SULF1: variants seen among roughly 807,000 people sequenced by gnomAD.
The protein encoded by SULF1 is sulfatase 1.
In SULF1, 46 loss-of-function variants were observed where a neutral mutation model predicts 110.5. That is an observed-to-expected ratio of 0.42 (90% CI 0.33 to 0.53). The LOEUF is 0.53. SULF1 is among the 20% of genes least tolerant of loss of function. SULF1 has a pLI of 0.12. For synonymous variants in SULF1, 371 were observed against 387.1 expected, an observed-to-expected ratio of 0.96 and a Z score of 0.49; for missense variants, 941 against 1,094.2, an observed-to-expected ratio of 0.86 and a Z score of 1.98.
chr8:69,601,349 C>T (rs929019226), intron 9 of SULF1, among the ~76,000 whole-genome samples: 7 of 152,184 alleles, frequency 4.6e-5, no homozygotes, highest in Non-Finnish European at 7.3e-5. Context: ...TTTCAAAGTA[C>T]AACCTATAAA....
chr8:69,655,000 G>A (rs140203898), intron 22 of SULF1, among the ~76,000 whole-genome samples: 22 of 152,218 alleles, frequency 1.4e-4, no homozygotes, highest in Non-Finnish European at 2.2e-4. Flanking sequence ...AGTATTTTCC[G>A]TTCCTATCCT....
chr8:69,501,772 A>G (rs1017330922), intron 2 of SULF1, 102 bp from the exon 3 acceptor site: 4 of 152,210 alleles, frequency 2.6e-5, no homozygotes, highest in Non-Finnish European at 5.9e-5. Context: ...TATTGTTCCT[A>G]ATGATCACCC....
At chr8:69,601,154 G>A (rs1807773851) in intron 9 of SULF1, among the ~76,000 whole-genome samples, 2 of 152,162 alleles carry the variant, frequency 1.3e-5, no homozygotes, top group East Asian at 1.9e-4. Context: ...AGTATCAGCA[G>A]GTCTTCTGAC....
chr8:69,633,050 G>T (rs1319574980), intron 19 of SULF1, among the ~76,000 whole-genome samples: 2 of 151,320 alleles, frequency 1.3e-5, no homozygotes, highest in Admixed American at 1.3e-4. Context: ...GAAAGAAAAA[G>T]AAAATACACA....
chr8:69,472,003 G>A (rs923564739), intron 1 of SULF1, among the ~76,000 whole-genome samples: 2 of 148,912 alleles, frequency 1.3e-5, no homozygotes, highest in African/African-American at 4.9e-5. Context: ...GAAAGTGAGA[G>A]AGAGAGAGAG....
chr8:69,521,780 A>G (rs1203740961), intron 3 of SULF1, among the ~76,000 whole-genome samples: 1 of 152,010 alleles, frequency 6.6e-6, no homozygotes, highest in Admixed American at 6.6e-5. Context: ...AACTTACAAG[A>G]ATATATAAGT....
Position 69,493,021 on chromosome 8 carries a change from C to T in SULF1, c.-495C>T, listed in dbSNP as rs958065824. On this transcript the variant is annotated 5_prime_UTR_variant, in exon 1 of 23. Transcript: ENST00000402687. Reference sequence around the variant, plus strand: ...GGCAGATGAGGAACATGACTCTCCCCCTTCGGAGGAGGAAGGAAGTCCCGC... The same window carrying T: ...GGCAGATGAGGAACATGACTCTCCCTCTTCGGAGGAGGAAGGAAGTCCCGC... 6.6e-6 allele frequency: 1 copy of T among 152,614 alleles called. No homozygotes were observed. The highest frequency in any genetic ancestry group is 1.5e-5 in the Non-Finnish European group (1 of 68,072). 9.5% of individuals were successfully genotyped at this position (152,614 alleles called of 1,614,324 possible).
At chr8:69,625,328 C>T (rs1419692075) in intron 15 of SULF1, among the ~76,000 whole-genome samples, 4 of 152,254 alleles carry the variant, frequency 2.6e-5, no homozygotes, top group African/African-American at 9.6e-5. Context: ...ATCTTAGTCA[C>T]AGAGCTGTGA....
chr8:69,541,361 G>A (rs896863768), intron 3 of SULF1, among the ~76,000 whole-genome samples: 4 of 152,186 alleles, frequency 2.6e-5, no homozygotes, highest in South Asian at 2.1e-4. Context: ...TGCCAGTGTC[G>A]CTGAAGGAAC....
At chr8:69,640,917 T>G in intron 22 of SULF1, 76 bp downstream of exon 22, 1 of 1,454,786 alleles carries the variant, frequency 6.9e-7, no homozygotes, top group Non-Finnish European at 9.5e-7. Flanking sequence ...AACTAATTTC[T>G]GTTTCTTACC....
intron 3 of SULF1, among the ~76,000 whole-genome samples, chr8:69,531,871 G>A (rs76462556): frequency 0.011 from 1,738 of 152,218 alleles, 30 homozygotes; most frequent in African/African-American, 0.04. Flanking sequence ...GGAAAGAGAG[G>A]CGGCTCTAAG....
chr8:69,650,022 G>A (rs1365733623), intron 22 of SULF1, among the ~76,000 whole-genome samples: 3 of 102,906 alleles, frequency 2.9e-5, no homozygotes, highest in African/African-American at 1.2e-4. Context: ...CTGAGACACG[G>A]TCTTGCTCTG....
chr8:69,611,220 G>A (rs1292893707), intron 13 of SULF1, among the ~76,000 whole-genome samples: 1 of 152,198 alleles, frequency 6.6e-6, no homozygotes, highest in East Asian at 1.9e-4. Flanking sequence ...CAAGCATCTG[G>A]GACAATGTCT....
In SULF1 at chr8:69,539,459, A is replaced by G. The variant is rs539630528; in HGVS notation, c.-133-24080A>G. Among the ~76,000 whole-genome samples the G allele has an allele frequency of 6.6e-5, 10 of 152,352 alleles. No homozygotes were observed. The South Asian group carries it at 1.9e-3, about 28-fold the overall frequency. On this transcript the variant is annotated intron_variant, in intron 3 of 22. Transcript: ENST00000402687. Reference sequence around the variant, plus strand: ...ATCTTGCGCTTGGCAATTGCTAACTAGATATGTAGATATGACTGCAAACAC... The same window carrying G: ...ATCTTGCGCTTGGCAATTGCTAACTGGATATGTAGATATGACTGCAAACAC...
At chr8:69,589,220 C>T (rs1390217464) in intron 8 of SULF1, 79 bp downstream of exon 8, 4 of 1,381,910 alleles carry the variant, frequency 2.9e-6, no homozygotes, top group Non-Finnish European at 3.9e-6. Flanking sequence ...TCCTTTACCC[C>T]GTTTCCTTCC....
At chr8:69,475,853 A>G (rs1252064504) in intron 1 of SULF1, among the ~76,000 whole-genome samples, 1 of 152,230 alleles carries the variant, frequency 6.6e-6, no homozygotes, top group Non-Finnish European at 1.5e-5. Flanking sequence ...ATTAGACAGA[A>G]TACACAACTG....
intron 1 of SULF1, among the ~76,000 whole-genome samples, chr8:69,484,311 C>T (rs764648960): frequency 6.6e-6 from 1 of 152,040 alleles, no homozygotes; most frequent in Non-Finnish European, 1.5e-5. Context: ...AAGCAGGCAC[C>T]ACATCTTATC....
intron 1 of SULF1, among the ~76,000 whole-genome samples, chr8:69,483,504 G>A (rs1296161660): frequency 6.6e-6 from 1 of 152,128 alleles, no homozygotes; most frequent in East Asian, 1.9e-4. Flanking sequence ...ACTGGAAAGA[G>A]CACTGGTTCT....
intron 15 of SULF1, among the ~76,000 whole-genome samples, chr8:69,624,695 T>G (rs952556606): frequency 6.6e-6 from 1 of 152,134 alleles, no homozygotes; most frequent in Non-Finnish European, 1.5e-5. Context: ...TCCAGAGAGA[T>G]GATGTAGGTT....
Sources: gnomAD v4.1 joint callset for allele counts (sites outside exome capture counted in the v4.1 genomes callset) on GRCh38, gnomAD v4.1.1 for gene constraint, MANE v1.5 for transcripts, NCBI Gene and HGNC (gene_info 2026-07-23, HGNC 2026-07-21) for gene names.